The following HEATR1 variants were observed in gnomAD, a reference collection of about 807,000 sequenced individuals.
HEATR1 encodes HEAT repeat containing 1, also known as HEAT repeat-containing protein 1.
A neutral mutation model predicts 248.2 loss-of-function variants in HEATR1; 77 were observed. The observed-to-expected ratio is 0.31, with a 90% CI of 0.26 to 0.37. The LOEUF is 0.37. Ranked by LOEUF, HEATR1 falls within the 10% of genes least tolerant of loss-of-function variation. HEATR1 has a pLI of 1.00. For missense variants in HEATR1, 2,420 were observed against 2,504.9 expected (o/e 0.97, Z 0.72); for synonymous variants, 897 against 923.1 (o/e 0.97, Z 0.51).
Position 236,599,633 on chromosome 1 carries a change from A to T in HEATR1, c.360-9T>A. 6.2e-7 allele frequency: 1 copy of T among 1,601,118 alleles called. No homozygotes were observed. The highest frequency in any genetic ancestry group is 8.5e-7 in the Non-Finnish European group (1 of 1,173,752). ...AGAGATGTATATGGAACCTGGGGAAAAAAAGCAAACAGTCCAACTGAACAC... is the reference window on the plus strand; with the variant it reads ...AGAGATGTATATGGAACCTGGGGAATAAAAGCAAACAGTCCAACTGAACAC... On this transcript the variant is annotated splice_polypyrimidine_tract_variant and intron_variant, in intron 3 of 44. Coordinates refer to ENST00000366582, the MANE Select transcript of HEATR1 (RefSeq NM_018072.6).
At chr1:236,570,231 G>A (rs963296185) in intron 28 of HEATR1, among the ~76,000 whole-genome samples, 3 of 152,240 alleles carry the variant, frequency 2.0e-5, no homozygotes, top group African/African-American at 7.2e-5. Flanking sequence ...AGAGCTTGCA[G>A]TGAGCTGAGA....
intron 44 of HEATR1, chr1:236,551,302 G>A: frequency 3.2e-6 from 1 of 317,322 alleles, no homozygotes; most frequent in Non-Finnish European, 5.8e-6. Flanking sequence ...AAAGGAGAAT[G>A]TACTTTTGTA....
Position 236,603,654 on chromosome 1 carries a change from C to G in HEATR1, c.143-278G>C, listed in dbSNP as rs1014003317. On this transcript the variant is annotated intron_variant, in intron 2 of 44. Coordinates refer to ENST00000366582, the MANE Select transcript of HEATR1 (RefSeq NM_018072.6). ...CTAGGCCAGTCCTCTGAGAGGACTT[C>G]TCCGTCACCCCAGTCACTGCCTCCA... 2.1e-5 allele frequency among the ~76,000 whole-genome samples: 3 copies of G among 144,786 alleles called. 1 individual carries two copies. The highest frequency in any genetic ancestry group is 7.7e-5 in the African/African-American group (3 of 38,714). The allele number at this position is 144,786 out of a possible 152,430, so 95.0% of individuals were successfully genotyped here.
At position 236,594,091 on chromosome 1, in the gene HEATR1, C is replaced by T. The variant is rs1378859379; in HGVS notation, c.1114G>A (p.Gly372Ser). The T allele has an allele frequency of 1.3e-6, 2 of 1,595,436 alleles. No homozygotes were observed. Among genetic ancestry groups the T allele is most frequent in the African/African-American group, 1.4e-5 (1 of 74,034 alleles). ...TCTAAGTGTCTCTTGTAGATTTGAC[C>T]ATCCATTCCTTCAGTTTCTTCTCCT... ...VTGEETEGMD[G>S]QIYKRHLEAI... The change falls in exon 9 of 45, where the codon GGT becomes AGT. Residue 372 changes from glycine to serine, a missense_variant. Transcript: ENST00000366582.
chr1:236,573,498 A>G (rs1339832013), intron 24 of HEATR1, among the ~76,000 whole-genome samples: 3 of 151,734 alleles, frequency 2.0e-5, no homozygotes, highest in Non-Finnish European at 4.4e-5. Context: ...CCATGGAAAT[A>G]TGATTATGAA....
chr1:236,600,617 G>A (rs191451110), intron 3 of HEATR1, among the ~76,000 whole-genome samples: 13 of 151,028 alleles, frequency 8.6e-5, no homozygotes, highest in South Asian at 2.1e-4. Flanking sequence ...TGCAACCTTC[G>A]CCTCCCAAGT....
At chr1:236,577,300 C>T (rs1021159406) in intron 20 of HEATR1, among the ~76,000 whole-genome samples, 31 of 151,858 alleles carry the variant, frequency 2.0e-4, no homozygotes, top group Admixed American at 2.6e-4. Flanking sequence ...TACAGGTGCA[C>T]GCCACACGCC....
At chr1:236,580,956 A>C (rs1320752029) in intron 20 of HEATR1, among the ~76,000 whole-genome samples, 3 of 150,594 alleles carry the variant, frequency 2.0e-5, no homozygotes, top group Non-Finnish European at 4.4e-5. Context: ...AGTAGCTGGG[A>C]TTACAGGCAC....
chr1:236,574,767 A>G lies in HEATR1; in HGVS notation c.3221T>C (p.Leu1074Pro). ...TAGACTCTTCGGATCCTCATTTAAA[A>G]GGGAAACTGAAAATTCATTATACTT... ...LGKYNEFSVS[L>P]LNEDPKSLDI... The change falls in exon 23 of 45, where the codon CTT becomes CCT. Residue 1074 changes from leucine to proline, a missense_variant. By Grantham distance (98) the Leu-to-Pro change is moderately conservative. Transcript: ENST00000366582. 1 of 1,613,978 alleles carries G rather than the reference A, an allele frequency of 6.2e-7. No homozygotes were observed. The highest frequency in any genetic ancestry group is 8.5e-7 in the Non-Finnish European group (1 of 1,179,862).
At chr1:236,595,779 A>C (rs923339536) in intron 7 of HEATR1, 54 bp downstream of exon 7, 1 of 1,521,236 alleles carries the variant, frequency 6.6e-7, no homozygotes. Context: ...AAATTATTCA[A>C]AATAATTTTA....
rs141424510 is a variant in HEATR1 at position 236,576,800 on chromosome 1, C to G, written c.2905G>C (p.Asp969His). The G allele has an allele frequency of 4.3e-6, 7 of 1,612,916 alleles. No homozygotes were observed. The highest frequency in any genetic ancestry group is 5.9e-6 in the Non-Finnish European group (7 of 1,179,584). The change falls in exon 21 of 45, where the codon GAT (aspartate) becomes CAT (histidine). Residue 969 changes from aspartate (D) to histidine (H), a missense_variant. Coordinates refer to ENST00000366582, the MANE Select transcript of HEATR1 (RefSeq NM_018072.6). ...CTTACCTGAATAACATAGGCAGCAT[C>G]TGAAGTGATCTCCTCTGCTTTAGAA... ...LISKAEEITS[D>H]AAYVIQDLAT...
intron 11 of HEATR1, among the ~76,000 whole-genome samples, chr1:236,591,481 T>C (rs188601479): frequency 6.4e-4 from 98 of 152,326 alleles, no homozygotes; most frequent in African/African-American, 1.9e-3. Context: ...CTCTTCATAA[T>C]TATCTGTTTT....
At chr1:236,581,806 T>C (rs1191995435) in intron 19 of HEATR1, among the ~76,000 whole-genome samples, 1 of 152,212 alleles carries the variant, frequency 6.6e-6, no homozygotes, top group Non-Finnish European at 1.5e-5. Context: ...GTGCTGGGGA[T>C]GAAATTTCCT....
Position 236,588,001 on chromosome 1 carries a change from G to A in HEATR1, c.1573C>T (p.Arg525Ter), listed in dbSNP as rs1663939290. Residue 525 changes from arginine (R) to a stop codon, truncating the protein, a stop_gained, in exon 13 of 45, where the codon CGA (arginine) becomes TGA (stop). Coordinates refer to ENST00000366582, the MANE Select transcript of HEATR1 (RefSeq NM_018072.6). LOFTEE classifies it high-confidence loss of function. ...ESFIKEAVLA[R>*]LGDDNIDVVL... The stretch of plus-strand genomic sequence containing the variant: ...ACATCTATATTATCATCACCTAATC[G>A]GGCTAAAACAGCTTCTTTTATGAAA... 2 of 1,611,684 alleles carry A rather than the reference G, an allele frequency of 1.2e-6. No individual in the cohort carries two copies. Among genetic ancestry groups the A allele is most frequent in the African/African-American group, 1.3e-5 (1 of 74,720 alleles).
chr1:236,561,008 CTT>C (rs1298882185), intron 33 of HEATR1, among the ~76,000 whole-genome samples: 4 of 152,140 alleles, frequency 2.6e-5, no homozygotes, highest in Admixed American at 6.5e-5. Context: ...AAGAACATCT[CTT>C]ATTCTTAGAG....
chr1:236,555,494 C>A (rs372904925), intron 40 of HEATR1, 30 bp from the exon 41 acceptor site: 1 of 1,614,000 alleles, frequency 6.2e-7, no homozygotes, highest in Non-Finnish European at 8.5e-7. Context: ...TTAGTTTCTT[C>A]GACATCTTGT....
chr1:236,567,216 A>T (rs755023730), intron 29 of HEATR1, among the ~76,000 whole-genome samples: 1 of 152,118 alleles, frequency 6.6e-6, no homozygotes, highest in Non-Finnish European at 1.5e-5. Flanking sequence ...CCTGGCCTCA[A>T]ATAATCCCAC....
Position 236,585,071 on chromosome 1 carries a change from A to G in HEATR1, c.2195T>C (p.Leu732Ser), listed in dbSNP as rs1361493176. ...HFPFAIRVFS[L>S]LQKKIKKLES... ...AAGCTTCTTTATTTTTTTCTGCAAC[A>G]AACTGAAGACTCTTATCGCAAATGG... The change falls in exon 17 of 45, where the codon TTG becomes TCG. Residue 732 changes from leucine to serine, a missense_variant. Physicochemically the swap from Leu to Ser is moderately radical, Grantham distance 145. Transcript: ENST00000366582. 2 of 1,613,722 alleles carry G rather than the reference A, an allele frequency of 1.2e-6. No individual in the cohort carries two copies. The highest frequency in any genetic ancestry group is 1.1e-5 in the South Asian group (1 of 91,024).
chr1:236,584,526 T>C (rs1431382041), intron 17 of HEATR1, among the ~76,000 whole-genome samples: 1 of 152,148 alleles, frequency 6.6e-6, no homozygotes, highest in Non-Finnish European at 1.5e-5. Flanking sequence ...AAAAAAAGTC[T>C]TGCTACCTCA....
Sources: gnomAD v4.1 joint callset for allele counts (sites outside exome capture counted in the v4.1 genomes callset) on GRCh38, gnomAD v4.1.1 for gene constraint, MANE v1.5 for transcripts, NCBI Gene and HGNC (gene_info 2026-07-23, HGNC 2026-07-21) for gene names.